The following MAGI1 variants were observed in gnomAD, a reference collection of about 807,000 sequenced individuals.
MAGI1 encodes the protein membrane-associated guanylate kinase, WW and PDZ domain-containing protein 1.
Under a neutral mutation model 139.9 loss-of-function variants are expected in MAGI1, and 58 were observed. The ratio of observed to expected loss-of-function variants is 0.41; its 90% CI spans 0.34 to 0.52. The LOEUF (loss-of-function observed/expected upper bound fraction) is 0.52. Among genes scored for constraint, MAGI1 ranks in the 20% least tolerant of loss-of-function variants. The pLI is 0.12. For missense variants in MAGI1, 1,874 were observed against 1,901.6 expected (o/e 0.99, Z 0.27); for synonymous variants, 812 against 737.9 (o/e 1.10, Z -1.63).
At position 65,728,218 on chromosome 3, in the gene MAGI1, G is replaced by A. The variant is rs1051484159; in HGVS notation, c.314-106130C>T. On this transcript the variant is annotated intron_variant, in intron 1 of 22. Transcript: ENST00000402939. ...TCTAGGGAAGGAGATTCCCATATGAGGCAAATGACAGGAGCAAATGCTTTG... is the reference window on the plus strand; with the variant it reads ...TCTAGGGAAGGAGATTCCCATATGAAGCAAATGACAGGAGCAAATGCTTTG... Among the ~76,000 whole-genome samples, 4 of 152,260 alleles carry A rather than the reference G, an allele frequency of 2.6e-5. No homozygotes were observed. The East Asian group carries it at 7.7e-4, about 29-fold the overall frequency.
intron 2 of MAGI1, among the ~76,000 whole-genome samples, chr3:65,527,460 T>G (rs112158874): frequency 0.18 from 27,389 of 152,050 alleles, 2,547 homozygotes; most frequent in Middle Eastern, 0.25. Flanking sequence ...GCGTGGTGGC[T>G]CACACCTGTA....
intron 1 of MAGI1, among the ~76,000 whole-genome samples, chr3:65,645,389 C>T (rs912230055): frequency 2.0e-5 from 3 of 152,116 alleles, no homozygotes; most frequent in African/African-American, 4.8e-5. Context: ...AAGGGTACAA[C>T]ATTTTTCAAG....
intron 1 of MAGI1, among the ~76,000 whole-genome samples, chr3:65,990,493 G>C (rs1201873775): frequency 6.6e-6 from 1 of 152,178 alleles, no homozygotes; most frequent in Non-Finnish European, 1.5e-5. Context: ...TAGCTGTCAG[G>C]CCATTCTCAA....
chr3:65,640,923 C>T (rs946173710), intron 1 of MAGI1, among the ~76,000 whole-genome samples: 1 of 152,146 alleles, frequency 6.6e-6, no homozygotes, highest in Non-Finnish European at 1.5e-5. Context: ...ACACTTCAGC[C>T]TTTGGGAACT....
rs1051380363 is a variant in MAGI1 at position 65,433,878 on chromosome 3, G to T, written c.1364-2997C>A. Reference sequence around the variant, plus strand: ...GTCTAATGGCACTTTCCGTGATGATGGAAATGCTCTGCACCTGCACTGTTC... The same window carrying T: ...GTCTAATGGCACTTTCCGTGATGATTGAAATGCTCTGCACCTGCACTGTTC... On this transcript the variant is annotated intron_variant, in intron 10 of 22. Coordinates refer to ENST00000402939, the MANE Select transcript of MAGI1 (RefSeq NM_001033057.2). Among the ~76,000 whole-genome samples the T allele has an allele frequency of 4.6e-5, 7 of 152,250 alleles. No individual in the cohort carries two copies. The South Asian group carries it at 1.0e-3, about 23-fold the overall frequency.
chr3:65,978,881 C>T (rs1421175593), intron 1 of MAGI1, among the ~76,000 whole-genome samples: 1 of 152,058 alleles, frequency 6.6e-6, no homozygotes, highest in African/African-American at 2.4e-5. Context: ...CCCTCCTCAG[C>T]CTACCAAAGT....
chr3:65,864,104 AC>A (rs1559955541), intron 1 of MAGI1, among the ~76,000 whole-genome samples: 1 of 152,328 alleles, frequency 6.6e-6, no homozygotes, highest in South Asian at 2.1e-4. Flanking sequence ...AATGAAAAAA[AC>A]GTAAACCAAA....
At chr3:66,007,837 G>A (rs2067109417) in intron 1 of MAGI1, among the ~76,000 whole-genome samples, 1 of 151,916 alleles carries the variant, frequency 6.6e-6, no homozygotes, top group Non-Finnish European at 1.5e-5. Context: ...AATTGGAGGA[G>A]GGAAGAATGT....
chr3:65,692,213 T>C (rs1033692652), intron 1 of MAGI1, among the ~76,000 whole-genome samples: 1 of 152,200 alleles, frequency 6.6e-6, no homozygotes. Context: ...CTCTCAATGT[T>C]AGAACATGCG....
At chr3:65,392,069 C>T (rs1398426751) in intron 13 of MAGI1, among the ~76,000 whole-genome samples, 1 of 152,120 alleles carries the variant, frequency 6.6e-6, no homozygotes, top group Admixed American at 6.5e-5. Context: ...ATGAGTTGAC[C>T]TCTGGGGGCC....
chr3:65,734,292 T>C (rs2034483750), intron 1 of MAGI1, among the ~76,000 whole-genome samples: 1 of 151,876 alleles, frequency 6.6e-6, no homozygotes, highest in Non-Finnish European at 1.5e-5. Context: ...AGACCCTGCC[T>C]CTACAAAAAT....
intron 1 of MAGI1, among the ~76,000 whole-genome samples, chr3:66,030,066 G>C (rs779759640): frequency 3.9e-5 from 6 of 152,146 alleles, no homozygotes; most frequent in African/African-American, 7.2e-5. Flanking sequence ...GGAGACTCCA[G>C]TGGACTCTTC....
rs2062879913 is a variant in MAGI1 at position 65,933,152 on chromosome 3, A to G, written c.313+104844T>C. Among the ~76,000 whole-genome samples, 3 of 152,234 alleles carry G rather than the reference A, an allele frequency of 2.0e-5. No individual in the cohort carries two copies. In the East Asian group the frequency reaches 5.8e-4, roughly 29 times the overall value. On this transcript the variant is annotated intron_variant, in intron 1 of 22. Coordinates refer to ENST00000402939, the MANE Select transcript of MAGI1 (RefSeq NM_001033057.2). The stretch of plus-strand genomic sequence containing the variant: ...CTCAATATTAATCCACTTGAAGACA[A>G]AAGCCATATCTTAGCCTTGGAGTCC...
At chr3:65,509,092 G>A (rs937122257) in intron 2 of MAGI1, among the ~76,000 whole-genome samples, 1 of 152,152 alleles carries the variant, frequency 6.6e-6, no homozygotes, top group Non-Finnish European at 1.5e-5. Context: ...CATTTTCTGG[G>A]AAACCCACAT....
chr3:65,367,390 T>A (rs1347568491), intron 18 of MAGI1, among the ~76,000 whole-genome samples: 1 of 152,164 alleles, frequency 6.6e-6, no homozygotes, highest in Non-Finnish European at 1.5e-5. Context: ...TATTTGCTAT[T>A]TTTTTTCCTC....
chr3:65,869,167 A>C (rs918847154), intron 1 of MAGI1, among the ~76,000 whole-genome samples: 1 of 149,912 alleles, frequency 6.7e-6, no homozygotes, highest in African/African-American at 2.5e-5. Flanking sequence ...GAGGCAGGAG[A>C]ATGGCGTGAA....
chr3:65,558,081 T>C (rs554345352), intron 2 of MAGI1, among the ~76,000 whole-genome samples: 10 of 152,306 alleles, frequency 6.6e-5, no homozygotes, highest in African/African-American at 2.4e-4. Flanking sequence ...CTTACAGATC[T>C]ATGAGTCCAG....
chr3:65,821,590 G>A (rs1024538360), intron 1 of MAGI1, among the ~76,000 whole-genome samples: 1 of 152,178 alleles, frequency 6.6e-6, no homozygotes, highest in African/African-American at 2.4e-5. Flanking sequence ...AGAGGTCTAA[G>A]ATGTTACAAA....
intron 1 of MAGI1, among the ~76,000 whole-genome samples, chr3:65,939,053 T>C (rs1023354015): frequency 1.3e-5 from 2 of 152,060 alleles, no homozygotes; most frequent in African/African-American, 4.8e-5. Context: ...CATCCCAAAA[T>C]CAATTTATTA....
Sources: gnomAD v4.1 joint callset for allele counts (sites outside exome capture counted in the v4.1 genomes callset) on GRCh38, gnomAD v4.1.1 for gene constraint, MANE v1.5 for transcripts, NCBI Gene and HGNC (gene_info 2026-07-23, HGNC 2026-07-21) for gene names.